Variants in TRIM9 observed in about 807,000 individuals in gnomAD.
TRIM9 encodes the protein E3 ubiquitin-protein ligase TRIM9.
A neutral mutation model predicts 78.3 loss-of-function variants in TRIM9; 26 were observed. The observed-to-expected ratio is 0.33, with a 90% CI of 0.24 to 0.46. The LOEUF (loss-of-function observed/expected upper bound fraction) is 0.46, where lower values mean the gene tolerates loss of function less well. TRIM9 is among the 20% of genes least tolerant of loss of function. TRIM9 has a pLI of 1.00. For missense variants in TRIM9, 787 were observed against 1,036.4 expected (o/e 0.76, Z 3.30); for synonymous variants, 398 against 416.5 (o/e 0.96, Z 0.54).
intron 1 of TRIM9, among the ~76,000 whole-genome samples, chr14:51,078,647 TACA>T (rs1466279759): frequency 6.6e-6 from 1 of 152,164 alleles, no homozygotes; most frequent in African/African-American, 2.4e-5. Context: ...CTGTACAACA[TACA>T]ACGATATTGT....
intron 3 of TRIM9, among the ~76,000 whole-genome samples, chr14:51,017,327 A>G (rs942130935): frequency 2.0e-5 from 3 of 152,216 alleles, no homozygotes; most frequent in African/African-American, 7.2e-5. Flanking sequence ...TGCGGTTTTA[A>G]TCGAGAAAAG....
rs1469118330 is a variant in TRIM9 at position 50,981,691 on chromosome 14, C to G, written c.2162+109G>C. On this transcript the variant is annotated intron_variant, in intron 11 of 12. Coordinates refer to ENST00000684578, the MANE Select transcript of TRIM9 (RefSeq NM_001387360.1). The stretch of plus-strand genomic sequence containing the variant: ...TGCCTGTGCTACTTAATGTAGACCA[C>G]CTGTTTGATTTCCTGAATGTGGTCT... The G allele has an allele frequency of 2.1e-6, 3 of 1,415,746 alleles. No homozygotes were observed. The African/African-American group carries it at 4.2e-5, about 20-fold the overall frequency. 87.7% of individuals were successfully genotyped at this position (1,415,746 alleles called of 1,614,324 possible).
intron 1 of TRIM9, among the ~76,000 whole-genome samples, chr14:51,047,118 A>AGCTGGG (rs1381316376): frequency 3.9e-5 from 6 of 152,078 alleles, no homozygotes; most frequent in Non-Finnish European, 7.4e-5. Context: ...CCTCTGCTTG[A>AGCTGGG]GCTGGGGTTG....
rs1225471158 is a variant in TRIM9, at chr14:51,010,474, A to G, written c.1062T>C (p.Ser354=). 1.2e-6 allele frequency: 2 copies of G among 1,613,480 alleles called. No homozygotes were observed. Among genetic ancestry groups the G allele is most frequent in the Non-Finnish European group, 1.7e-6 (2 of 1,179,736 alleles). ...HKLKVVRDQI[S]HCTVKLRQTT... Reference sequence around the variant, plus strand: ...TCTGGCGCAATTTCACTGTGCAGTGAGAGATCTGATCTCGAACCACCTAGG... The same window carrying G: ...TCTGGCGCAATTTCACTGTGCAGTGGGAGATCTGATCTCGAACCACCTAGG... The change falls in exon 4 of 13, where the codon TCT becomes TCC. Residue 354 remains serine (S), a synonymous_variant. Coordinates refer to ENST00000684578, the MANE Select transcript of TRIM9 (RefSeq NM_001387360.1).
At chr14:51,023,452 G>C (rs1416126495) in intron 2 of TRIM9, among the ~76,000 whole-genome samples, 1 of 152,168 alleles carries the variant, frequency 6.6e-6, no homozygotes, top group African/African-American at 2.4e-5. Context: ...ATGGGTAAAA[G>C]TACTTGCCCC....
intron 5 of TRIM9, among the ~76,000 whole-genome samples, chr14:51,001,886 G>A (rs1437322148): frequency 6.6e-6 from 1 of 152,156 alleles, no homozygotes; most frequent in Non-Finnish European, 1.5e-5. Context: ...TAGGGGCCTG[G>A]AGCATGACAA....
At chr14:50,979,366 C>A (rs1441934414) in intron 12 of TRIM9, 21 bp downstream of exon 12, 7 of 1,614,218 alleles carry the variant, frequency 4.3e-6, no homozygotes, top group Non-Finnish European at 5.9e-6. Flanking sequence ...AGCTGTTTAA[C>A]CTCAGGGGCA....
Position 50,982,055 on chromosome 14 carries a change from AG to A in TRIM9, c.1906del (p.Leu636SerfsTer6). ...DPGSAHSDII[L>X]SNDNLTVTCS... ...GGTCACTGTCAGGTTGTCATTGGAGAGGATGATGTCCGAGTGCGCCGAGCCA... is the reference window on the plus strand; with the variant it reads ...GGTCACTGTCAGGTTGTCATTGGAGAGATGATGTCCGAGTGCGCCGAGCCA... On this transcript the variant is annotated frameshift_variant, in exon 11 of 13. Coordinates refer to ENST00000684578, the MANE Select transcript of TRIM9 (RefSeq NM_001387360.1). LOFTEE classifies it high-confidence loss of function. 6.2e-7 allele frequency: 1 copy of A among 1,614,152 alleles called. No individual in the cohort carries two copies. Among genetic ancestry groups the A allele is most frequent in the Non-Finnish European group, 8.5e-7 (1 of 1,180,014 alleles).
intron 2 of TRIM9, among the ~76,000 whole-genome samples, chr14:51,024,236 C>G (rs1454735105): frequency 6.6e-6 from 1 of 152,162 alleles, no homozygotes; most frequent in African/African-American, 2.4e-5. Context: ...CGGGCAGAGG[C>G]AAGCCTGGGG....
At chr14:51,058,305 G>A (rs759016180) in intron 1 of TRIM9, among the ~76,000 whole-genome samples, 8 of 152,188 alleles carry the variant, frequency 5.3e-5, no homozygotes, top group Non-Finnish European at 1.2e-4. Flanking sequence ...CTCAGGTGAT[G>A]TGAGGCTCAC....
At chr14:51,007,746 T>C (rs1953890) in intron 5 of TRIM9, among the ~76,000 whole-genome samples, 29,807 of 149,712 alleles carry the variant, frequency 0.2, 3,282 homozygotes, top group Non-Finnish European at 0.26. Flanking sequence ...TTCCAATCTA[T>C]ACACTATTTC....
chr14:50,979,161 A>G (rs2051465631), intron 12 of TRIM9: 1 of 1,421,360 alleles, frequency 7.0e-7, no homozygotes, highest in African/African-American at 1.4e-5. Flanking sequence ...CTAGTTTCCT[A>G]TGTGCTATTA....
chr14:51,051,634 G>T (rs1244247253), intron 1 of TRIM9, among the ~76,000 whole-genome samples: 2 of 152,160 alleles, frequency 1.3e-5, no homozygotes, highest in African/African-American at 4.8e-5. Context: ...ACCCTAAACT[G>T]AGATTGATAG....
chr14:51,022,999 G>C, intron 2 of TRIM9, 42 bp from the exon 3 acceptor site: 1 of 1,608,832 alleles, frequency 6.2e-7, no homozygotes, highest in Non-Finnish European at 8.5e-7. Context: ...GCTGCTGGGT[G>C]CCTCAGGCTG....
intron 1 of TRIM9, among the ~76,000 whole-genome samples, chr14:51,037,048 T>A (rs747152531): frequency 2.6e-5 from 4 of 152,198 alleles, no homozygotes; most frequent in Non-Finnish European, 5.9e-5. Flanking sequence ...AACTGTTACC[T>A]TACTATCTTT....
At chr14:51,086,780 C>T (rs957246131) in intron 1 of TRIM9, among the ~76,000 whole-genome samples, 1 of 152,002 alleles carries the variant, frequency 6.6e-6, no homozygotes, top group Admixed American at 6.6e-5. Context: ...ACTGAAATGA[C>T]CAGATCTGTT....
intron 1 of TRIM9, 23 bp downstream of exon 1, chr14:51,094,095 G>A (rs1341848270): frequency 1.3e-6 from 2 of 1,592,646 alleles, no homozygotes; most frequent in South Asian, 2.2e-5. Flanking sequence ...AGGGAGTTAG[G>A]AGTGGGTTTT....
intron 3 of TRIM9, among the ~76,000 whole-genome samples, chr14:51,015,100 T>C (rs2057011160): frequency 6.6e-6 from 1 of 152,192 alleles, no homozygotes; most frequent in South Asian, 2.1e-4. Context: ...CAGTTTTATT[T>C]TGTTAAGTGG....
At chr14:51,004,313 G>A (rs2055473116) in intron 5 of TRIM9, among the ~76,000 whole-genome samples, 1 of 152,208 alleles carries the variant, frequency 6.6e-6, no homozygotes, top group Non-Finnish European at 1.5e-5. Context: ...CCTTGAAGAG[G>A]TCTGGCGGAG....
Sources: gnomAD v4.1 joint callset for allele counts (sites outside exome capture counted in the v4.1 genomes callset) on GRCh38, gnomAD v4.1.1 for gene constraint, MANE v1.5 for transcripts, NCBI Gene and HGNC (gene_info 2026-07-23, HGNC 2026-07-21) for gene names.